The following NXPH2 variants were observed in gnomAD, a reference collection of about 807,000 sequenced individuals.
NXPH2 encodes neurexophilin 2.
Under a neutral mutation model 19.8 loss-of-function variants are expected in NXPH2, and 5 were observed. The ratio of observed to expected loss-of-function variants is 0.25; its 90% CI spans 0.13 to 0.53. The LOEUF (loss-of-function observed/expected upper bound fraction) is 0.53. Among genes scored for constraint, NXPH2 ranks in the 20% least tolerant of loss-of-function variants. NXPH2 has a pLI of 0.96. For synonymous variants in NXPH2, 154 were observed against 127.4 expected (o/e 1.21, Z -1.41); for missense variants, 289 against 322.8 (o/e 0.90, Z 0.80).
chr2:138,768,946 C>T (rs1320582107), intron 1 of NXPH2, among the ~76,000 whole-genome samples: 3 of 152,170 alleles, frequency 2.0e-5, no homozygotes, highest in East Asian at 1.9e-4. Context: ...TCAAAACCTA[C>T]GCTTTTCCCT....
chr2:138,671,090 C>T lies in NXPH2; in HGVS notation c.627G>A (p.Lys209=). 2 of 1,613,934 alleles carry T rather than the reference C, an allele frequency of 1.2e-6. No homozygotes were observed. The highest frequency in any genetic ancestry group is 1.6e-4 in the Middle Eastern group (1 of 6,062). Residue 209 remains lysine, a synonymous_variant, in exon 2 of 2, where the codon AAG becomes AAA. Transcript: ENST00000272641. ...TCTGAGTCTGCTCCTGGTAGCAGAT[C>T]TTGGATGGGTCAAAGTTGCACAGGG... ...KTALCNFDPS[K]ICYQEQTQSH...
chr2:138,719,399 C>A (rs748701874), intron 1 of NXPH2, among the ~76,000 whole-genome samples: 2 of 152,002 alleles, frequency 1.3e-5, no homozygotes, highest in Non-Finnish European at 2.9e-5. Flanking sequence ...AGGAGTCTTT[C>A]GGAATTTACT....
At chr2:138,740,060 G>A (rs1221211020) in intron 1 of NXPH2, among the ~76,000 whole-genome samples, 3 of 152,088 alleles carry the variant, frequency 2.0e-5, no homozygotes, top group African/African-American at 4.8e-5. Context: ...TCACAATGGC[G>A]TTCCATATCC....
chr2:138,698,941 T>C (rs1186936418), intron 1 of NXPH2, among the ~76,000 whole-genome samples: 1 of 152,212 alleles, frequency 6.6e-6, no homozygotes, highest in Non-Finnish European at 1.5e-5. Context: ...GGACTCAAAG[T>C]ACTTTGATGC....
At position 138,693,704 on chromosome 2, in the gene NXPH2, G is replaced by C. The variant is rs150827290; in HGVS notation, c.52-22039C>G. Among the ~76,000 whole-genome samples the C allele has an allele frequency of 1.2e-3, 187 of 152,180 alleles. 1 individual carries two copies. The highest frequency in any genetic ancestry group is 4.4e-3 in the African/African-American group (183 of 41,548). On this transcript the variant is annotated intron_variant, in intron 1 of 1. Coordinates refer to ENST00000272641, the MANE Select transcript of NXPH2 (RefSeq NM_007226.3). The stretch of plus-strand genomic sequence containing the variant: ...GTGAGATTCACAGTGGTTCACTGTA[G>C]GTCTGAGTATAGAGACAGTAGGTAG...
At position 138,708,096 on chromosome 2, in the gene NXPH2, C is replaced by G. The variant is rs189823242; in HGVS notation, c.52-36431G>C. Among the ~76,000 whole-genome samples the G allele has an allele frequency of 3.0e-4, 45 of 152,278 alleles. 1 individual carries two copies. The highest frequency in any genetic ancestry group is 2.5e-3 in the Admixed American group (38 of 15,286). Reference sequence around the variant, plus strand: ...GCCTCATGTGTGGCACTGTGCTTGTCTTGTCCATAACTGCACTTACCCTAC... The same window carrying G: ...GCCTCATGTGTGGCACTGTGCTTGTGTTGTCCATAACTGCACTTACCCTAC... On this transcript the variant is annotated intron_variant, in intron 1 of 1. Transcript: ENST00000272641.
At chr2:138,739,609 G>A (rs933074275) in intron 1 of NXPH2, among the ~76,000 whole-genome samples, 1 of 152,140 alleles carries the variant, frequency 6.6e-6, no homozygotes, top group Admixed American at 6.5e-5. Context: ...ACATGGTGGG[G>A]GCAGGTTACT....
intron 1 of NXPH2, among the ~76,000 whole-genome samples, chr2:138,756,809 C>A (rs1681916910): frequency 6.6e-6 from 1 of 152,066 alleles, no homozygotes; most frequent in African/African-American, 2.4e-5. Context: ...GTTAGGCTGG[C>A]AAATCAGTTA....
intron 1 of NXPH2, among the ~76,000 whole-genome samples, chr2:138,754,460 T>G (rs1463233981): frequency 6.6e-6 from 1 of 152,206 alleles, no homozygotes; most frequent in Non-Finnish European, 1.5e-5. Flanking sequence ...TAGACTGGCT[T>G]CTTTTACTCA....
chr2:138,725,034 T>C (rs1681338120), intron 1 of NXPH2, among the ~76,000 whole-genome samples: 1 of 152,206 alleles, frequency 6.6e-6, no homozygotes, highest in Non-Finnish European at 1.5e-5. Flanking sequence ...CATTAACAAA[T>C]GGGAACAGTG....
intron 1 of NXPH2, among the ~76,000 whole-genome samples, chr2:138,752,205 C>T (rs949310283): frequency 6.6e-6 from 1 of 152,066 alleles, no homozygotes; most frequent in African/African-American, 2.4e-5. Flanking sequence ...TGACAAATCC[C>T]TCATTTTCTC....
chr2:138,750,351 T>G (rs1187631660), intron 1 of NXPH2, among the ~76,000 whole-genome samples: 2 of 152,154 alleles, frequency 1.3e-5, no homozygotes, highest in Non-Finnish European at 2.9e-5. Context: ...TTCTAAACAT[T>G]AATACATAGT....
At chr2:138,741,519 C>T (rs1015776718) in intron 1 of NXPH2, among the ~76,000 whole-genome samples, 3 of 152,148 alleles carry the variant, frequency 2.0e-5, no homozygotes, top group Non-Finnish European at 4.4e-5. Context: ...CCAAAAATCC[C>T]AGTGATTTTG....
chr2:138,700,966 A>G (rs1680912828), intron 1 of NXPH2, among the ~76,000 whole-genome samples: 1 of 152,140 alleles, frequency 6.6e-6, no homozygotes, highest in South Asian at 2.1e-4. Flanking sequence ...AAAGAGATGT[A>G]GAGAACGGCG....
chr2:138,745,806 G>T (rs1681721689), intron 1 of NXPH2, among the ~76,000 whole-genome samples: 1 of 149,872 alleles, frequency 6.7e-6, no homozygotes, highest in African/African-American at 2.5e-5. Flanking sequence ...AGAAAGAGAG[G>T]AATTCAATTA....
intron 1 of NXPH2, among the ~76,000 whole-genome samples, chr2:138,768,611 C>T (rs913142014): frequency 6.6e-6 from 1 of 152,262 alleles, no homozygotes; most frequent in South Asian, 2.1e-4. Flanking sequence ...ACACACAAAC[C>T]CTGGATTCTG....
chr2:138,709,006 T>C (rs1681057892), intron 1 of NXPH2, among the ~76,000 whole-genome samples: 1 of 152,214 alleles, frequency 6.6e-6, no homozygotes, highest in South Asian at 2.1e-4. Context: ...TCTTTGGCAT[T>C]CTACCAAACA....
chr2:138,686,894 A>G (rs1165613109), intron 1 of NXPH2, among the ~76,000 whole-genome samples: 1 of 151,986 alleles, frequency 6.6e-6, no homozygotes, highest in Non-Finnish European at 1.5e-5. Context: ...ATCCTTTTTT[A>G]TGGCTGCATA....
intron 1 of NXPH2, among the ~76,000 whole-genome samples, chr2:138,737,965 G>A (rs948030153): frequency 6.0e-5 from 9 of 150,534 alleles, no homozygotes; most frequent in African/African-American, 9.8e-5. Context: ...TGTGCACAAC[G>A]TGCAGGTTAG....
Sources: allele counts gnomAD v4.1 joint callset (sites outside exome capture counted in the v4.1 genomes callset), GRCh38; gene constraint gnomAD v4.1.1; transcripts MANE v1.5; gene names NCBI Gene and HGNC (gene_info 2026-07-23, HGNC 2026-07-21).